Variants in BNC2 observed in about 807,000 individuals in gnomAD.
The protein encoded by BNC2 is basonuclin zinc finger protein 2.
BNC2 carries 20 observed loss-of-function variants against 76.3 expected under a neutral mutation model. The observed-to-expected ratio is 0.26, with a 90% confidence interval of 0.18 to 0.38. BNC2 has a LOEUF of 0.38. Among genes scored for constraint, BNC2 ranks in the 10% least tolerant of loss-of-function variants. The pLI, the probability that BNC2 is intolerant of heterozygous loss-of-function variation, is 1.00. For missense variants in BNC2, 1,382 were observed against 1,399.8 expected, an observed-to-expected ratio of 0.99 and a Z score of 0.20; for synonymous variants, 582 against 514.8, an observed-to-expected ratio of 1.13 and a Z score of -1.77.
intron 1 of BNC2, among the ~76,000 whole-genome samples, chr9:16,762,339 A>C (rs898423449): frequency 3.3e-5 from 5 of 152,226 alleles, no homozygotes; most frequent in African/African-American, 9.6e-5. Flanking sequence ...ATCCAAAGAC[A>C]TCCAGAGATC....
chr9:16,456,530 CAAAA>C (rs35557788), intron 5 of BNC2, among the ~76,000 whole-genome samples: 10 of 107,232 alleles, frequency 9.3e-5, no homozygotes, highest in Admixed American at 1.9e-4. Context: ...GACTCCGTCT[CAAAA>C]AAAAAAAAAA....
At chr9:16,423,101 C>T (rs1820739926) in intron 6 of BNC2, among the ~76,000 whole-genome samples, 1 of 152,206 alleles carries the variant, frequency 6.6e-6, no homozygotes, top group South Asian at 2.1e-4. Flanking sequence ...GGAAGCCCTA[C>T]TCAGTTGTAT....
rs559258661 is a variant in BNC2 at position 16,576,742 on chromosome 9, TTTG to T, written c.433+6238_433+6240del. On this transcript the variant is annotated intron_variant, in intron 4 of 6. Transcript: ENST00000380672. ...AGGACTGATATAATCAACAGCTTTT[TTTG>T]TTGTTGTTGTTGAGATGGAGTCTCG... Among the ~76,000 whole-genome samples, 242 of 152,324 alleles carry T rather than the reference TTTG, an allele frequency of 1.6e-3. 1 individual carries two copies. The highest frequency in any genetic ancestry group is 2.2e-3 in the Non-Finnish European group (149 of 68,034).
intron 3 of BNC2, among the ~76,000 whole-genome samples, chr9:16,612,664 G>A (rs938178355): frequency 6.6e-6 from 1 of 152,142 alleles, no homozygotes; most frequent in Non-Finnish European, 1.5e-5. Flanking sequence ...ACTGAGTAGG[G>A]AGATAAACCT....
At chr9:16,521,743 A>G (rs998538506) in intron 5 of BNC2, among the ~76,000 whole-genome samples, 2 of 152,184 alleles carry the variant, frequency 1.3e-5, no homozygotes, top group Non-Finnish European at 2.9e-5. Flanking sequence ...TTAAAACTCC[A>G]TATCATGTTA....
chr9:16,783,390 G>A (rs1826204080), intron 1 of BNC2, among the ~76,000 whole-genome samples: 1 of 152,062 alleles, frequency 6.6e-6, no homozygotes, highest in African/African-American at 2.4e-5. Flanking sequence ...CTGATTTCCA[G>A]GACAAAAATG....
intron 3 of BNC2, among the ~76,000 whole-genome samples, chr9:16,629,360 A>C (rs1004133614): frequency 6.6e-6 from 1 of 152,228 alleles, no homozygotes; most frequent in Admixed American, 6.5e-5. Flanking sequence ...GACTCACTAC[A>C]TTCAGAAGAT....
chr9:16,558,953 T>G (rs1038247519), intron 4 of BNC2, among the ~76,000 whole-genome samples: 4 of 141,098 alleles, frequency 2.8e-5, no homozygotes, highest in African/African-American at 2.8e-5. Context: ...AAAAAAAAAG[T>G]AATTTCAAAG....
At chr9:16,814,951 TTATCTC>T (rs1241819428) in intron 1 of BNC2, among the ~76,000 whole-genome samples, 2 of 152,136 alleles carry the variant, frequency 1.3e-5, no homozygotes, top group Non-Finnish European at 2.9e-5. Flanking sequence ...CTTCAGATGA[TTATCTC>T]TAACTTGCCA....
intron 1 of BNC2, among the ~76,000 whole-genome samples, chr9:16,856,173 C>CTATA (rs1819250776): frequency 6.6e-6 from 1 of 152,002 alleles, no homozygotes; most frequent in Non-Finnish European, 1.5e-5. Context: ...TTTCAGTCAA[C>CTATA]TATACTATTC....
At chr9:16,857,699 C>T (rs1165141540) in intron 1 of BNC2, among the ~76,000 whole-genome samples, 2 of 152,044 alleles carry the variant, frequency 1.3e-5, no homozygotes, top group South Asian at 2.1e-4. Flanking sequence ...ATAGTTGATG[C>T]TGACTAAATA....
intron 2 of BNC2, among the ~76,000 whole-genome samples, chr9:16,737,985 TTAC>T (rs1361354905): frequency 3.9e-5 from 6 of 152,030 alleles, no homozygotes; most frequent in Admixed American, 3.9e-4. Context: ...TTTTAAAAGT[TTAC>T]TACTAACACT....
At chr9:16,824,227 C>T (rs537706413) in intron 1 of BNC2, among the ~76,000 whole-genome samples, 57 of 152,196 alleles carry the variant, frequency 3.7e-4, no homozygotes, top group African/African-American at 1.3e-3. Flanking sequence ...TGACTCTTTT[C>T]CCTGAAGTGT....
At chr9:16,807,694 C>T (rs982536699) in intron 1 of BNC2, among the ~76,000 whole-genome samples, 2 of 151,978 alleles carry the variant, frequency 1.3e-5, no homozygotes, top group Non-Finnish European at 2.9e-5. Context: ...TAATTGAACC[C>T]ATTGAGGATA....
At chr9:16,645,990 T>C (rs1821611951) in intron 3 of BNC2, among the ~76,000 whole-genome samples, 1 of 152,188 alleles carries the variant, frequency 6.6e-6, no homozygotes, top group African/African-American at 2.4e-5. Flanking sequence ...ACAAAGTTCC[T>C]TTCAGGTCAT....
intron 1 of BNC2, among the ~76,000 whole-genome samples, chr9:16,751,874 C>T (rs5016914): frequency 0.088 from 13,400 of 151,736 alleles, 773 homozygotes; most frequent in Admixed American, 0.19. Flanking sequence ...TACTAAAATA[C>T]AAAAATTAGT....
chr9:16,531,449 T>C (rs1817973309), intron 5 of BNC2, among the ~76,000 whole-genome samples: 1 of 152,124 alleles, frequency 6.6e-6, no homozygotes, highest in South Asian at 2.1e-4. Context: ...TTTCTTTCAT[T>C]TAATTTTTTT....
chr9:16,541,672 CA>C (rs1280889079), intron 5 of BNC2, among the ~76,000 whole-genome samples: 1 of 152,160 alleles, frequency 6.6e-6, no homozygotes, highest in Admixed American at 6.5e-5. Context: ...ATGAATGCAG[CA>C]ATTTAAGGTG....
chr9:16,578,875 G>C (rs1324961862), intron 4 of BNC2, among the ~76,000 whole-genome samples: 1 of 152,164 alleles, frequency 6.6e-6, no homozygotes, highest in Non-Finnish European at 1.5e-5. Context: ...TTTCAGTGAA[G>C]TAGTGGCAGT....
Sources: allele counts gnomAD v4.1 joint callset (sites outside exome capture counted in the v4.1 genomes callset), GRCh38; gene constraint gnomAD v4.1.1; transcripts MANE v1.5; gene names NCBI Gene and HGNC (gene_info 2026-07-23, HGNC 2026-07-21).